Variants in KCNN2 observed in about 807,000 individuals in gnomAD.
The protein encoded by KCNN2 is small conductance calcium-activated potassium channel protein 2.
Under a neutral mutation model 55.5 loss-of-function variants are expected in KCNN2, and 24 were observed. The observed-to-expected ratio is 0.43, with a 90% CI of 0.31 to 0.61. The LOEUF is 0.61. Among genes scored for constraint, KCNN2 ranks in the 20% least tolerant of loss-of-function variants. The probability of loss-of-function intolerance (pLI) is 0.08; values close to 1 mark genes in which losing one functional copy is unlikely to be tolerated. For synonymous variants in KCNN2, 431 were observed against 336.1 expected (o/e 1.28, Z -3.09); for missense variants, 754 against 853.6 (o/e 0.88, Z 1.45).
At chr5:114,387,264 G>A (rs1382641986) in intron 2 of KCNN2, among the ~76,000 whole-genome samples, 1 of 152,188 alleles carries the variant, frequency 6.6e-6, no homozygotes, top group East Asian at 1.9e-4. Flanking sequence ...CACTGGCATG[G>A]CTGCTTGTGA....
chr5:114,167,654 A>G (rs2112539235), intron 1 of KCNN2, among the ~76,000 whole-genome samples: 1 of 152,246 alleles, frequency 6.6e-6, no homozygotes, highest in South Asian at 2.1e-4. Context: ...TTCCCTTTGA[A>G]GTGGACCTGC....
intron 1 of KCNN2, among the ~76,000 whole-genome samples, chr5:114,074,335 C>T (rs779777277): frequency 7.0e-5 from 10 of 143,610 alleles, no homozygotes; most frequent in South Asian, 4.2e-4. Flanking sequence ...TGTGTGCGCG[C>T]GCGCGCCAGA....
intron 1 of KCNN2, among the ~76,000 whole-genome samples, chr5:114,209,342 A>C (rs906059142): frequency 5.9e-5 from 9 of 151,524 alleles, no homozygotes; most frequent in African/African-American, 1.9e-4. Flanking sequence ...CTTAAATGTC[A>C]CTATTCCTTT....
At chr5:114,220,314 A>G (rs1754106811) in intron 1 of KCNN2, among the ~76,000 whole-genome samples, 1 of 152,124 alleles carries the variant, frequency 6.6e-6, no homozygotes, top group Non-Finnish European at 1.5e-5. Context: ...TGCTGGAAAA[A>G]ATATTTAAAA....
At chr5:114,383,276 G>A (rs1041387234) in intron 2 of KCNN2, among the ~76,000 whole-genome samples, 4 of 151,890 alleles carry the variant, frequency 2.6e-5, no homozygotes, top group Admixed American at 2.0e-4. Flanking sequence ...CTTTCTTATT[G>A]CTCTCTCATT....
At chr5:114,299,453 CA>C (rs1756106064) in intron 2 of KCNN2, among the ~76,000 whole-genome samples, 1 of 152,152 alleles carries the variant, frequency 6.6e-6, no homozygotes, top group Non-Finnish European at 1.5e-5. Flanking sequence ...AAACAATAAA[CA>C]AATATAAAAG....
At chr5:114,166,418 ACT>A (rs1201446540) in intron 1 of KCNN2, among the ~76,000 whole-genome samples, 1 of 152,040 alleles carries the variant, frequency 6.6e-6, no homozygotes, top group East Asian at 1.9e-4. Context: ...TGATCAACTT[ACT>A]CTCTCATTTA....
chr5:114,275,059 G>T (rs1755455380), intron 2 of KCNN2, among the ~76,000 whole-genome samples: 1 of 152,106 alleles, frequency 6.6e-6, no homozygotes, highest in Non-Finnish European at 1.5e-5. Flanking sequence ...GTTGAATTTT[G>T]TCAAAGGCCT....
chr5:114,129,989 C>T (rs919224149), intron 1 of KCNN2, among the ~76,000 whole-genome samples: 2 of 152,126 alleles, frequency 1.3e-5, no homozygotes, highest in African/African-American at 4.8e-5. Flanking sequence ...TGTTTCTAAC[C>T]TCATTCATTC....
intron 2 of KCNN2, among the ~76,000 whole-genome samples, chr5:114,242,154 C>A (rs888013693): frequency 2.0e-5 from 3 of 151,586 alleles, no homozygotes; most frequent in African/African-American, 7.3e-5. Flanking sequence ...AATAAGCATG[C>A]CTGCTTATTA....
chr5:114,361,186 C>T (rs1050508936), upstream of KCNN2: 2 of 152,258 alleles, frequency 1.3e-5, no homozygotes, highest in Non-Finnish European at 1.5e-5. Flanking sequence ...CCTCCGCCCC[C>T]GCCAGGGGGG....
intron 1 of KCNN2, among the ~76,000 whole-genome samples, chr5:114,162,511 C>T (rs1367175759): frequency 6.6e-6 from 1 of 152,142 alleles, no homozygotes; most frequent in Non-Finnish European, 1.5e-5. Flanking sequence ...CTGGGAGAAC[C>T]ACTACTCTCT....
rs548060012 is a variant in KCNN2, at chr5:114,241,832, A to G, written c.-185+20267A>G. On this transcript the variant is annotated intron_variant, in intron 2 of 10. Coordinates refer to the KCNN2 transcript ENST00000512097. Reference sequence around the variant, plus strand: ...TATATATATATATGTGTGTATATATATATATATATATATGGAGTGTGAAGG... The same window carrying G: ...TATATATATATATGTGTGTATATATGTATATATATATATGGAGTGTGAAGG... Among the ~76,000 whole-genome samples, 461 of 116,982 alleles carry G rather than the reference A, an allele frequency of 3.9e-3. 85 individuals carry two copies. The highest frequency in any genetic ancestry group is 0.014 in the African/African-American group (424 of 29,244). The allele number at this position is 116,982 out of a possible 152,430, so 76.7% of individuals were successfully genotyped here. A position where few individuals can be genotyped will look rare whatever the true frequency, so the allele number is the denominator to read the frequency against.
At chr5:114,355,263 A>G (rs1255371390) in intron 2 of KCNN2, among the ~76,000 whole-genome samples, 1 of 152,222 alleles carries the variant, frequency 6.6e-6, no homozygotes, top group Non-Finnish European at 1.5e-5. Context: ...TAGGGAGTTC[A>G]TGAATAACAC....
exon 1 of KCNN2, chr5:114,056,267 G>T (rs1056516166): frequency 2.8e-5 from 11 of 397,520 alleles, no homozygotes; most frequent in Admixed American, 8.8e-5. Flanking sequence ...GGAGCCGGGG[G>T]CGCTCTCCCG....
chr5:114,434,826 C>T (rs918351215), intron 3 of KCNN2, among the ~76,000 whole-genome samples: 3 of 152,024 alleles, frequency 2.0e-5, no homozygotes, highest in African/African-American at 4.8e-5. Flanking sequence ...CAGATCACTC[C>T]GGGGGGAGAT....
Position 114,211,290 on chromosome 5 carries a change from G to A in KCNN2, c.-270-10190G>A, listed in dbSNP as rs190157949. 2.9e-3 allele frequency among the ~76,000 whole-genome samples: 441 copies of A among 152,180 alleles called. 14 individuals are homozygous for A. The highest frequency in any genetic ancestry group is 0.028 in the Admixed American group (426 of 15,274). ...GTTCACTGCAGCAATATTTACAATA[G>A]CAAAGACATGGAACCAACCTAAATG... On this transcript the variant is annotated intron_variant, in intron 1 of 10. Transcript: ENST00000512097.
chr5:114,222,397 G>A (rs182317876), intron 2 of KCNN2, among the ~76,000 whole-genome samples: 5 of 152,230 alleles, frequency 3.3e-5, no homozygotes, highest in Admixed American at 2.0e-4. Context: ...TACATGGACA[G>A]GCAATGAATA....
Position 114,479,863 on chromosome 5 carries a change from C to G in KCNN2, c.1890+6699C>G, listed in dbSNP as rs1054143057. The stretch of plus-strand genomic sequence containing the variant: ...ACAAAGAGGCAACGTAGCAGAATCT[C>G]TGGGATGCAGCTAAAGCAGTGTTAA... On this transcript the variant is annotated intron_variant, in intron 5 of 7. Transcript: ENST00000673685. Among the ~76,000 whole-genome samples, 3 of 152,294 alleles carry G rather than the reference C, an allele frequency of 2.0e-5. No homozygotes were observed. In the South Asian group the frequency reaches 6.2e-4, roughly 32 times the overall value.
Sources: allele counts gnomAD v4.1 joint callset (sites outside exome capture counted in the v4.1 genomes callset), GRCh38; gene constraint gnomAD v4.1.1; transcripts MANE v1.5; gene names NCBI Gene and HGNC (gene_info 2026-07-23, HGNC 2026-07-21).